Variants in ZNF322 observed in about 807,000 individuals in gnomAD.
ZNF322 encodes zinc finger protein 322.
Under a neutral mutation model 18.3 loss-of-function variants are expected in ZNF322, and 1 was observed. The ratio of observed to expected loss-of-function variants is 0.05; its 90% confidence interval spans 0.02 to 0.26. The LOEUF (loss-of-function observed/expected upper bound fraction) is 0.26. Ranked by LOEUF, ZNF322 falls within the 10% of genes least tolerant of loss-of-function variation. The probability of loss-of-function intolerance (pLI) is 1.00; values close to 1 mark genes in which losing one functional copy is unlikely to be tolerated. For missense variants in ZNF322, 36 were observed against 403.6 expected, an observed-to-expected ratio of 0.09 and a Z score of 7.80; for synonymous variants, 17 against 130.7, an observed-to-expected ratio of 0.13 and a Z score of 5.93.
intron 2 of ZNF322, chr6:26,650,381 A>G (rs1229846754): frequency 6.6e-6 from 1 of 152,220 alleles, no homozygotes; most frequent in Non-Finnish European, 1.5e-5. Flanking sequence ...AACATCAGGA[A>G]CAAGGTAAGA....
chr6:26,649,673 G>A (rs62396176), intron 2 of ZNF322, among the ~76,000 whole-genome samples: 1,539 of 29,180 alleles, frequency 0.053, 23 homozygotes, highest in Non-Finnish European at 0.057. Context: ...GTGTGTGTGT[G>A]TGTATATATA....
At chr6:26,640,210 C>G (rs1765443380) in intron 3 of ZNF322, among the ~76,000 whole-genome samples, 1 of 152,182 alleles carries the variant, frequency 6.6e-6, no homozygotes, top group South Asian at 2.1e-4. Context: ...CTCATTGTCT[C>G]CAATTCTGTC....
At chr6:26,647,560 T>C (rs1447054665) in intron 2 of ZNF322, among the ~76,000 whole-genome samples, 1 of 152,072 alleles carries the variant, frequency 6.6e-6, no homozygotes, top group South Asian at 2.1e-4. Context: ...TGATTAACTA[T>C]AAAATAAGGG....
At chr6:26,649,675 G>GTCTGTGTATA (rs1465971500) in intron 2 of ZNF322, among the ~76,000 whole-genome samples, 1 of 22,956 alleles carries the variant, frequency 4.4e-5, no homozygotes, top group Non-Finnish European at 7.0e-5. Flanking sequence ...GTGTGTGTGT[G>GTCTGTGTATA]TATATATATA....
rs1554148005 is a variant in ZNF322 at position 26,638,378 on chromosome 6, A to G, written c.176T>C (p.Ile59Thr). 1 of 1,613,828 alleles carries G rather than the reference A, an allele frequency of 6.2e-7. No individual in the cohort carries two copies. The highest frequency in any genetic ancestry group is 2.2e-5 in the East Asian group (1 of 44,898). The change falls in exon 4 of 4, where the codon ATT becomes ACT. Residue 59 changes from isoleucine (I) to threonine (T), a missense_variant. By Grantham distance (89) the Ile-to-Thr change is moderately conservative. Transcript: ENST00000415922. ...KQNFCENLALIMCERTHTGEK... is the reference protein window; with the variant it reads ...KQNFCENLALTMCERTHTGEK... ...CCCAGTATGGGTTCTCTCACACATA[A>G]TAAGAGCTAAGTTTTCACAGAAGTT...
At chr6:26,649,704 T>TA (rs1561925012) in intron 2 of ZNF322, among the ~76,000 whole-genome samples, 5 of 113,510 alleles carry the variant, frequency 4.4e-5, no homozygotes, top group African/African-American at 1.9e-4. Context: ...TATATATATT[T>TA]TTTTTTTTTT....
rs1192619626 is a variant in ZNF322, at chr6:26,636,562, C to T, written c.*783G>A. ...ATATTATATGTACATAGATTCTCAC[C>T]CACAATTAAATCTCTCACTGCAGAA... On this transcript the variant is annotated 3_prime_UTR_variant, in exon 4 of 4. Coordinates refer to ENST00000415922, the MANE Select transcript of ZNF322 (RefSeq NM_024639.5). 1 of 151,924 alleles carries T rather than the reference C, an allele frequency of 6.6e-6. No homozygotes were observed. Among genetic ancestry groups the T allele is most frequent in the African/African-American group, 2.4e-5 (1 of 41,338 alleles). The allele number at this position is 151,924 out of a possible 1,614,324, so 9.4% of individuals were successfully genotyped here. A position where few individuals can be genotyped will look rare whatever the true frequency, so the allele number is the denominator to read the frequency against.
intron 2 of ZNF322, among the ~76,000 whole-genome samples, chr6:26,649,204 T>A (rs1765608349): frequency 6.6e-6 from 1 of 152,192 alleles, no homozygotes; most frequent in African/African-American, 2.4e-5. Context: ...GAAGGGTAAC[T>A]AAACCCATGA....
chr6:26,648,416 C>T (rs1352166943), intron 2 of ZNF322, among the ~76,000 whole-genome samples: 1 of 152,140 alleles, frequency 6.6e-6, no homozygotes, highest in Non-Finnish European at 1.5e-5. Context: ...ATGGCCAATA[C>T]TTCTCTTTTC....
intron 2 of ZNF322, among the ~76,000 whole-genome samples, chr6:26,649,703 T>TATATA (rs1561925009): frequency 1.2e-4 from 12 of 98,920 alleles, no homozygotes; most frequent in East Asian, 2.6e-4. Context: ...ATATATATAT[T>TATATA]TTTTTTTTTT....
intron 2 of ZNF322, among the ~76,000 whole-genome samples, chr6:26,658,234 A>G (rs1300441842): frequency 6.6e-6 from 1 of 152,130 alleles, no homozygotes; most frequent in Non-Finnish European, 1.5e-5. Context: ...AATAGTAAGC[A>G]GCAGAGCCAG....
In ZNF322 at chr6:26,649,637, A is replaced by ATG. The variant is rs58521273; in HGVS notation, c.-245-5911_-245-5910dup. The stretch of plus-strand genomic sequence containing the variant: ...AGTTTTCTTTTATATATACATACAT[A>ATG]TGTGTGTGTGTGTGTGTGTGTGTGT... On this transcript the variant is annotated intron_variant, in intron 2 of 3. Coordinates refer to ENST00000415922, the MANE Select transcript of ZNF322 (RefSeq NM_024639.5). 4.4e-3 allele frequency among the ~76,000 whole-genome samples: 297 copies of ATG among 67,580 alleles called. 3 individuals are homozygous for ATG. The highest frequency in any genetic ancestry group is 0.016 in the East Asian group (33 of 2,016). The allele number at this position is 67,580 out of a possible 152,430, so 44.3% of individuals were successfully genotyped here.
At chr6:26,646,300 T>C (rs1765558872) in intron 2 of ZNF322, among the ~76,000 whole-genome samples, 4 of 152,052 alleles carry the variant, frequency 2.6e-5, no homozygotes, top group Admixed American at 2.6e-4. Context: ...GACCTAACTA[T>C]ATGCTAAATA....
intron 3 of ZNF322, among the ~76,000 whole-genome samples, chr6:26,643,153 T>C (rs1487840765): frequency 6.6e-6 from 1 of 152,242 alleles, no homozygotes; most frequent in African/African-American, 2.4e-5. Context: ...CATCCAAACA[T>C]ACTATCCTTA....
chr6:26,642,386 A>G (rs1254089385), intron 3 of ZNF322, among the ~76,000 whole-genome samples: 1 of 151,908 alleles, frequency 6.6e-6, no homozygotes, highest in Non-Finnish European at 1.5e-5. Context: ...TTCTTCCTCT[A>G]TATTTTGTCT....
At chr6:26,641,413 T>C (rs1221960172) in intron 3 of ZNF322, among the ~76,000 whole-genome samples, 1 of 151,964 alleles carries the variant, frequency 6.6e-6, no homozygotes, top group African/African-American at 2.4e-5. Flanking sequence ...AATAGGGAAG[T>C]CAAAACTGAA....
chr6:26,652,711 A>T (rs552609815), intron 2 of ZNF322, among the ~76,000 whole-genome samples: 212 of 152,220 alleles, frequency 1.4e-3, no homozygotes, highest in Non-Finnish European at 2.3e-3. Context: ...AAAAAATTGT[A>T]GATACCCCAT....
Position 26,649,705 on chromosome 6 carries a change from T to A in ZNF322, c.-245-5977A>T, listed in dbSNP as rs1250308788. 1.6e-3 allele frequency among the ~76,000 whole-genome samples: 179 copies of A among 113,940 alleles called. 2 individuals are homozygous for A. The highest frequency in any genetic ancestry group is 3.7e-3 in the African/African-American group (111 of 30,272). The allele number at this position is 113,940 out of a possible 152,430, so 74.7% of individuals were successfully genotyped here. A position where few individuals can be genotyped will look rare whatever the true frequency, so the allele number is the denominator to read the frequency against. On this transcript the variant is annotated intron_variant, in intron 2 of 3. Coordinates refer to ENST00000415922, the MANE Select transcript of ZNF322 (RefSeq NM_024639.5). ...TATATATATATATATATATATATTT[T>A]TTTTTTTTTTTTTTTGAGACTGAGT...
At chr6:26,647,297 C>G (rs1189058297) in intron 2 of ZNF322, among the ~76,000 whole-genome samples, 1 of 151,132 alleles carries the variant, frequency 6.6e-6, no homozygotes, top group Non-Finnish European at 1.5e-5. Context: ...GAAAAAAAAT[C>G]AAAATAATAA....
Sources: allele counts gnomAD v4.1 joint callset (sites outside exome capture counted in the v4.1 genomes callset), GRCh38; gene constraint gnomAD v4.1.1; transcripts MANE v1.5; gene names NCBI Gene and HGNC (gene_info 2026-07-23, HGNC 2026-07-21).